Variants in ADRA1A observed in about 807,000 individuals in gnomAD.
ADRA1A encodes alpha-1A adrenergic receptor.
In ADRA1A, 31 loss-of-function variants were observed where a neutral mutation model predicts 29.6. The ratio of observed to expected loss-of-function variants is 1.05; its 90% CI spans 0.79 to 1.41. The LOEUF (loss-of-function observed/expected upper bound fraction) is 1.41. Among genes scored for constraint, ADRA1A ranks in the 40% most tolerant of loss-of-function variants. ADRA1A has a pLI of 0.00. For synonymous variants in ADRA1A, 311 were observed against 254.3 expected (o/e 1.22, Z -2.12); for missense variants, 619 against 601.1 (o/e 1.03, Z -0.31).
intron 2 of ADRA1A, among the ~76,000 whole-genome samples, chr8:26,800,301 A>G (rs548009125): frequency 5.9e-5 from 9 of 152,094 alleles, no homozygotes; most frequent in Non-Finnish European, 1.3e-4. Flanking sequence ...ACAATATTAC[A>G]TTAGCATTAA....
chr8:26,865,502 G>A lies in ADRA1A; in HGVS notation c.-533C>T. The stretch of plus-strand genomic sequence containing the variant: ...TTGGGTAGCGCAGCGCTACAGGTTG[G>A]GCGCTGCTCCTGGCCCGCAGTTACC... On this transcript the variant is annotated 5_prime_UTR_variant, in exon 2 of 3. Transcript: ENST00000380573. The surrounding 1 kb of genome is among the most constrained non-coding windows in gnomAD (Gnocchi z 7.6). 1 of 809,890 alleles carries A rather than the reference G, an allele frequency of 1.2e-6. No individual in the cohort carries two copies. Among genetic ancestry groups the A allele is most frequent in the South Asian group, 5.3e-5 (1 of 18,916 alleles). The allele number at this position is 809,890 out of a possible 1,614,324, so 50.2% of individuals were successfully genotyped here.
chr8:26,853,263 G>C (rs557249596), intron 2 of ADRA1A, among the ~76,000 whole-genome samples: 1 of 152,246 alleles, frequency 6.6e-6, no homozygotes, highest in East Asian at 1.9e-4. Context: ...TATCAAAGCA[G>C]CATTTCCCAA....
Position 26,777,148 on chromosome 8 carries a change from G to A in ADRA1A, c.884-6482C>T, listed in dbSNP as rs529786513. Among the ~76,000 whole-genome samples the A allele has an allele frequency of 2.6e-5, 4 of 152,286 alleles. No homozygotes were observed. In the East Asian group the frequency reaches 7.7e-4, roughly 29 times the overall value. On this transcript the variant is annotated intron_variant, in intron 2 of 2. Transcript: ENST00000380573. ...GAACTACTTTGGCCTGAACCCTCCT[G>A]GGGTTTATGTGGGGCCACTTGGGCA...
At chr8:26,852,189 G>T (rs895188089) in intron 2 of ADRA1A, among the ~76,000 whole-genome samples, 1 of 152,100 alleles carries the variant, frequency 6.6e-6, no homozygotes, top group African/African-American at 2.4e-5. Flanking sequence ...AAAGCAGGAA[G>T]GCAGACTGAT....
downstream of ADRA1A, among the ~76,000 whole-genome samples, chr8:26,767,561 C>G (rs575839641): frequency 6.6e-6 from 1 of 152,104 alleles, no homozygotes; most frequent in Non-Finnish European, 1.5e-5. Context: ...AAATTATTTA[C>G]GGATAGTTTT....
chr8:26,782,210 TC>T (rs1807045626), intron 2 of ADRA1A, among the ~76,000 whole-genome samples: 1 of 152,208 alleles, frequency 6.6e-6, no homozygotes, highest in African/African-American at 2.4e-5. Flanking sequence ...CTGCTCTTTC[TC>T]CCCAGCCACT....
At chr8:26,833,612 C>A (rs1180659613) in intron 2 of ADRA1A, among the ~76,000 whole-genome samples, 2 of 152,316 alleles carry the variant, frequency 1.3e-5, no homozygotes, top group Non-Finnish European at 2.9e-5. Context: ...CATGTAGGAA[C>A]CTGATAAGTA....
rs1304139824 is a variant in ADRA1A at position 26,867,113 on chromosome 8, C to G, written c.-864G>C. The G allele has an allele frequency of 2.0e-6, 2 of 985,320 alleles. No homozygotes were observed. The highest frequency in any genetic ancestry group is 1.2e-6 in the Non-Finnish European group (1 of 829,938). The allele number at this position is 985,320 out of a possible 1,614,324, so 61.0% of individuals were successfully genotyped here. A position where few individuals can be genotyped will look rare whatever the true frequency, so the allele number is the denominator to read the frequency against. On this transcript the variant is annotated 5_prime_UTR_variant, in exon 1 of 3. Coordinates refer to ENST00000380573, the MANE Select transcript of ADRA1A (RefSeq NM_000680.4). ...CCCCTCCACCACTGATGTCTTTAAG[C>G]TCCTGAACCGCTGTCACTTTACCTG...
intron 2 of ADRA1A, among the ~76,000 whole-genome samples, chr8:26,772,692 C>T (rs1462168795): frequency 6.6e-6 from 1 of 151,988 alleles, no homozygotes; most frequent in African/African-American, 2.4e-5. Flanking sequence ...TATTAAAATC[C>T]ACTCTGGCAA....
intron 2 of ADRA1A, among the ~76,000 whole-genome samples, chr8:26,750,201 T>C (rs778658473): frequency 6.6e-6 from 1 of 152,060 alleles, no homozygotes; most frequent in Non-Finnish European, 1.5e-5. Flanking sequence ...GGCTGGGGTC[T>C]CTTCTTTTTC....
intron 2 of ADRA1A, among the ~76,000 whole-genome samples, chr8:26,832,814 A>T (rs1811081466): frequency 6.6e-6 from 1 of 152,100 alleles, no homozygotes; most frequent in Admixed American, 6.5e-5. Flanking sequence ...CTGGGCTGCC[A>T]TGCAGTCAGG....
Position 26,820,609 on chromosome 8 carries a change from G to A in ADRA1A, c.883+43478C>T, listed in dbSNP as rs140293130. 2.0e-4 allele frequency among the ~76,000 whole-genome samples: 31 copies of A among 152,202 alleles called. 1 individual carries two copies. Among genetic ancestry groups the A allele is most frequent in the African/African-American group, 7.2e-4 (30 of 41,540 alleles). On this transcript the variant is annotated intron_variant, in intron 2 of 2. Transcript: ENST00000380573. ...TAGACTGAGCATTTTCTGGCTCTTT[G>A]CACCTTACACTTTCTCACCTTACAA...
chr8:26,855,274 T>C (rs1190811710), intron 2 of ADRA1A, among the ~76,000 whole-genome samples: 2 of 151,986 alleles, frequency 1.3e-5, no homozygotes, highest in Non-Finnish European at 2.9e-5. Context: ...TGGAAGTTTG[T>C]AGAAAAGATC....
chr8:26,829,691 G>C (rs899564953), intron 2 of ADRA1A, among the ~76,000 whole-genome samples: 2 of 152,080 alleles, frequency 1.3e-5, no homozygotes, highest in African/African-American at 2.4e-5. Flanking sequence ...TGGAAACAAG[G>C]AGCACTCCCT....
At position 26,866,154 on chromosome 8, in the gene ADRA1A, ACGAGCACGCTCACTC is replaced by A. The variant is rs1195219108; in HGVS notation, c.-686-514_-686-500del. Among the ~76,000 whole-genome samples, 31 of 152,284 alleles carry A rather than the reference ACGAGCACGCTCACTC, an allele frequency of 2.0e-4. No individual in the cohort carries two copies. The highest frequency in any genetic ancestry group is 7.0e-4 in the African/African-American group (29 of 41,576). On this transcript the variant is annotated intron_variant, in intron 1 of 2. Transcript: ENST00000380573. The surrounding 1 kb of genome is among the most constrained non-coding windows in gnomAD (Gnocchi z 5.7). The stretch of plus-strand genomic sequence containing the variant: ...ACCCAGGGACCTCAGGGCCAGGACC[ACGAGCACGCTCACTC>A]TCACGCCGGTGGAATTCGCACTCGG...
At chr8:26,858,919 G>C in intron 2 of ADRA1A, 1 of 494,788 alleles carries the variant, frequency 2.0e-6, no homozygotes, top group Non-Finnish European at 2.9e-6. Flanking sequence ...CAACAGTCAT[G>C]CTATTCAATG....
intron 2 of ADRA1A, among the ~76,000 whole-genome samples, chr8:26,802,773 C>G (rs1391516043): frequency 6.6e-6 from 1 of 152,046 alleles, no homozygotes; most frequent in Non-Finnish European, 1.5e-5. Flanking sequence ...ATCTGCATTC[C>G]CATGTTTTTG....
At chr8:26,761,324 TA>T (rs1805491686), downstream of ADRA1A, among the ~76,000 whole-genome samples, 1 of 152,212 alleles carries the variant, frequency 6.6e-6, no homozygotes, top group Admixed American at 6.5e-5. Context: ...TAACATTTTG[TA>T]TGGGCAGAAA....
chr8:26,759,553 G>A (rs934753592), intron 2 of ADRA1A, among the ~76,000 whole-genome samples: 5 of 152,124 alleles, frequency 3.3e-5, no homozygotes, highest in Non-Finnish European at 5.9e-5. Flanking sequence ...CATTCATCAA[G>A]GTCTCCTCCT....
Sources: gnomAD v4.1 joint callset for allele counts (sites outside exome capture counted in the v4.1 genomes callset) on GRCh38, gnomAD v4.1.1 for gene constraint, Gnocchi (gnomAD v3.1) non-coding constraint, MANE v1.5 for transcripts, NCBI Gene and HGNC (gene_info 2026-07-23, HGNC 2026-07-21) for gene names.